COMT: variants seen among roughly 807,000 people sequenced by gnomAD.
COMT encodes the protein catechol-O-methyltransferase.
COMT carries 13 observed loss-of-function variants against 18.9 expected under a neutral mutation model. The observed-to-expected ratio is 0.69, with a 90% CI of 0.45 to 1.09. The LOEUF (loss-of-function observed/expected upper bound fraction) is 1.09. COMT is among the 50% of genes least tolerant of loss of function. COMT has a pLI of 0.00. For missense variants in COMT, 329 were observed against 361.8 expected (o/e 0.91, Z 0.73); for synonymous variants, 150 against 160.9 (o/e 0.93, Z 0.51).
Position 19,956,137 on chromosome 22 carries a change from C to CTTTTTTTTTTTTTTTTTT in COMT, c.-91-5054_-91-5037dup, listed in dbSNP as rs71186638. Among the ~76,000 whole-genome samples the CTTTTTTTTTTTTTTTTTT allele has an allele frequency of 7.4e-4, 63 of 84,820 alleles. 1 individual carries two copies. Among genetic ancestry groups the CTTTTTTTTTTTTTTTTTT allele is most frequent in the Non-Finnish European group, 8.6e-4 (41 of 47,644 alleles). The allele number at this position is 84,820 out of a possible 152,430, so 55.6% of individuals were successfully genotyped here. On this transcript the variant is annotated intron_variant, in intron 1 of 5. Coordinates refer to ENST00000361682, the MANE Select transcript of COMT (RefSeq NM_000754.4). Reference sequence around the variant, plus strand: ...CTTTCTTTCTTTTTTTTCTTTTTTTCTTTTTTTTTTTTTTTTTTTTTTTTT... The same window carrying CTTTTTTTTTTTTTTTTTT: ...CTTTCTTTCTTTTTTTTCTTTTTTTCTTTTTTTTTTTTTTTTTTTTTTTTTTTTTTTTTTTTTTTTTTT...
chr22:19,968,538 A>C lies in COMT; in HGVS notation c.618A>C (p.Glu206Asp). The C allele has an allele frequency of 6.2e-7, 1 of 1,608,906 alleles. No homozygotes were observed. ...CCCACCCCCCGGTCTGTTTGCAGGA[A>C]TGTGGCCTGCTGCGGAAGGGGACAG... is the stretch of plus-strand genomic sequence containing the variant. ...RYLPDTLLLEECGLLRKGTVL... is the reference protein window; with the variant it reads ...RYLPDTLLLEDCGLLRKGTVL... The change falls in exon 6 of 6, where the codon GAA becomes GAC. Residue 206 changes from glutamate (E) to aspartate (D), a missense_variant and splice_region_variant. Coordinates refer to ENST00000361682, the MANE Select transcript of COMT (RefSeq NM_000754.4).
Position 19,969,757 on chromosome 22 carries a change from G to A in COMT, c.*1021G>A. On this transcript the variant is annotated 3_prime_UTR_variant, in exon 6 of 6. Coordinates refer to ENST00000361682, the MANE Select transcript of COMT (RefSeq NM_000754.4). ...CAAGTTTGGGGCCACCCAGGGACCAGAAACAGAGCCTCTGCAGGACACAGC... is the reference window on the plus strand; with the variant it reads ...CAAGTTTGGGGCCACCCAGGGACCAAAAACAGAGCCTCTGCAGGACACAGC... The A allele has an allele frequency of 1.1e-6, 1 of 894,176 alleles. No homozygotes were observed. Among genetic ancestry groups the A allele is most frequent in the Non-Finnish European group, 1.3e-6 (1 of 746,908 alleles). The allele number at this position is 894,176 out of a possible 1,614,324, so 55.4% of individuals were successfully genotyped here.
intron 5 of COMT, 115 bp downstream of exon 5, chr22:19,964,414 G>C: frequency 2.1e-6 from 3 of 1,443,002 alleles, no homozygotes; most frequent in Non-Finnish European, 9.6e-7. Context: ...GACACAGCTC[G>C]CTCTGGAGGC....
At position 19,941,779 on chromosome 22, in the gene COMT, G is replaced by A. The variant is rs1941729818; in HGVS notation, c.-210G>A. 4 of 1,527,026 alleles carry A rather than the reference G, an allele frequency of 2.6e-6. No homozygotes were observed. The highest frequency in any genetic ancestry group is 2.6e-6 in the Non-Finnish European group (3 of 1,147,220). 94.6% of individuals were successfully genotyped at this position (1,527,026 alleles called of 1,614,324 possible). On this transcript the variant is annotated 5_prime_UTR_variant, in exon 1 of 6. Transcript: ENST00000361682. ...CACCGGAAGCGCCCTCCTAATCCCC[G>A]CAGCGCCACCGCCATTGCCGCCATC... is the stretch of plus-strand genomic sequence containing the variant.
chr22:19,968,429 G>C (rs145653431), intron 5 of COMT, 107 bp from the exon 6 acceptor site: 14 of 1,105,360 alleles, frequency 1.3e-5, no homozygotes, highest in Middle Eastern at 2.8e-4. Flanking sequence ...CAGGGGCTAG[G>C]CACAGGCGTG....
intron 1 of COMT, among the ~76,000 whole-genome samples, chr22:19,956,615 G>A (rs1942070340): frequency 1.3e-5 from 2 of 152,016 alleles, no homozygotes; most frequent in Non-Finnish European, 1.5e-5. Context: ...TGACCTTGTG[G>A]TCTGCCCGCC....
chr22:19,947,747 C>G (rs12167215), intron 1 of COMT, among the ~76,000 whole-genome samples: 2 of 152,204 alleles, frequency 1.3e-5, no homozygotes, highest in Non-Finnish European at 2.9e-5. Flanking sequence ...GTGGGCAAAC[C>G]TGACACTCCA....
chr22:19,957,825 C>A (rs140673818), intron 1 of COMT, among the ~76,000 whole-genome samples: 12 of 152,304 alleles, frequency 7.9e-5, no homozygotes, highest in Non-Finnish European at 1.6e-4. Context: ...GCCAGGCAGC[C>A]GGTGCAGAAG....
intron 5 of COMT, chr22:19,964,863 A>C: frequency 3.9e-6 from 1 of 257,474 alleles, no homozygotes; most frequent in Non-Finnish European, 7.6e-6. Context: ...TCACAGACTG[A>C]TGCTTAAGGA....
At chr22:19,966,436 T>TAAA (rs362115) in intron 5 of COMT, among the ~76,000 whole-genome samples, 2 of 135,306 alleles carry the variant, frequency 1.5e-5, no homozygotes, top group African/African-American at 5.6e-5. Flanking sequence ...AGTTCCCCCT[T>TAAA]AAAAAAAAAA....
chr22:19,963,983 G>A, intron 4 of COMT, 185 bp from the exon 5 acceptor site: 5 of 1,281,472 alleles, frequency 3.9e-6, no homozygotes, highest in Non-Finnish European at 5.5e-6. Context: ...GGCACCAGGA[G>A]GGGCAGGGAC....
intron 1 of COMT, among the ~76,000 whole-genome samples, chr22:19,954,086 C>G (rs1942007129): frequency 6.6e-6 from 1 of 152,210 alleles, no homozygotes; most frequent in South Asian, 2.1e-4. Flanking sequence ...TCTTGCCTCT[C>G]TCAGCCCAGC....
At chr22:19,962,432 C>T in intron 2 of COMT, 95 bp from the exon 3 acceptor site, 1 of 1,528,966 alleles carries the variant, frequency 6.5e-7, no homozygotes, top group Non-Finnish European at 8.8e-7. Flanking sequence ...CCTCTGCAAA[C>T]ACAAGGGGGC....
chr22:19,967,854 G>A (rs181836260), intron 5 of COMT, among the ~76,000 whole-genome samples: 252 of 152,358 alleles, frequency 1.7e-3, no homozygotes, highest in Middle Eastern at 0.014. Flanking sequence ...TGATAGCATA[G>A]ATAGGCAAGC....
Position 19,963,786 on chromosome 22 carries a change from C to T in COMT, c.483+27C>T, listed in dbSNP as rs1037576952. 8 of 1,603,454 alleles carry T rather than the reference C, an allele frequency of 5.0e-6. No homozygotes were observed. The African/African-American group carries it at 6.7e-5, about 13-fold the overall frequency. ...TGTGCATGCCTGACCCGTTGTCAGA[C>T]CTGGAAAAAGGGCCGGCTGTGGGCA... On this transcript the variant is annotated intron_variant, in intron 4 of 5. Transcript: ENST00000361682.
intron 1 of COMT, among the ~76,000 whole-genome samples, chr22:19,954,038 G>C (rs994618567): frequency 1.3e-4 from 20 of 152,172 alleles, no homozygotes; most frequent in Admixed American, 5.9e-4. Flanking sequence ...GGCCCAGCTG[G>C]CCCCCTGGGG....
chr22:19,954,218 C>CAAAAAAAAA (rs361699), intron 1 of COMT, among the ~76,000 whole-genome samples: 5 of 135,390 alleles, frequency 3.7e-5, no homozygotes, highest in East Asian at 2.2e-4. Context: ...GGTATTGAGT[C>CAAAAAAAAA]AAAAAAAAAA....
intron 1 of COMT, among the ~76,000 whole-genome samples, chr22:19,944,377 T>G (rs1290617539): frequency 2.0e-5 from 3 of 151,768 alleles, no homozygotes; most frequent in African/African-American, 7.3e-5. Flanking sequence ...CAAAACCCTG[T>G]CTCTACTAAA....
intron 1 of COMT, among the ~76,000 whole-genome samples, chr22:19,959,642 G>C (rs1942146599): frequency 6.6e-6 from 1 of 152,166 alleles, no homozygotes; most frequent in South Asian, 2.1e-4. Flanking sequence ...CTCTGCTCAG[G>C]GCTTCAGTTC....
Sources: allele counts gnomAD v4.1 joint callset (sites outside exome capture counted in the v4.1 genomes callset), GRCh38; gene constraint gnomAD v4.1.1; transcripts MANE v1.5; gene names NCBI Gene and HGNC (gene_info 2026-07-23, HGNC 2026-07-21).